The following SCAPER variants were observed in gnomAD, a reference collection of about 807,000 sequenced individuals.
SCAPER encodes the protein S-phase cyclin A associated protein in the ER.
Under a neutral mutation model 182.2 loss-of-function variants are expected in SCAPER, and 98 were observed. The observed-to-expected ratio is 0.54, with a 90% CI of 0.46 to 0.64. The LOEUF is 0.64. Among genes scored for constraint, SCAPER ranks in the 30% least tolerant of loss-of-function variants. The pLI is 0.00. For missense variants in SCAPER, 1,432 were observed against 1,690.0 expected, an observed-to-expected ratio of 0.85 and a Z score of 2.68; for synonymous variants, 605 against 564.6, an observed-to-expected ratio of 1.07 and a Z score of -1.01.
chr15:76,576,094 G>A (rs1422035834), intron 22 of SCAPER, among the ~76,000 whole-genome samples: 1 of 152,158 alleles, frequency 6.6e-6, no homozygotes, highest in East Asian at 1.9e-4. Context: ...AAGGATGGTG[G>A]TTCATGCTTG....
chr15:76,355,547 T>A (rs202033341), intron 29 of SCAPER, among the ~76,000 whole-genome samples: 1 of 598 alleles, frequency 1.7e-3, no homozygotes, highest in African/African-American at 1.7e-3. Flanking sequence ...AGAAGTCTTC[T>A]TTTTTTTTTT....
At chr15:76,883,778 A>G (rs1168703946) in intron 2 of SCAPER, 34 bp downstream of exon 2, 1 of 1,484,124 alleles carries the variant, frequency 6.7e-7, no homozygotes, top group African/African-American at 1.4e-5. Flanking sequence ...AGAAAGGCAA[A>G]AAAACTAAGG....
chr15:76,385,413 T>C (rs1017132249), intron 27 of SCAPER, among the ~76,000 whole-genome samples: 2 of 152,196 alleles, frequency 1.3e-5, no homozygotes, highest in African/African-American at 4.8e-5. Flanking sequence ...TTCTAGATTG[T>C]TCTCTTAGCT....
At chr15:76,698,576 TC>T (rs2058771061) in intron 20 of SCAPER, among the ~76,000 whole-genome samples, 1 of 152,174 alleles carries the variant, frequency 6.6e-6, no homozygotes, top group African/African-American at 2.4e-5. Context: ...GATACTTCCT[TC>T]AGGGTTTATG....
chr15:76,724,420 C>T (rs1209041181), intron 17 of SCAPER, among the ~76,000 whole-genome samples: 4 of 152,060 alleles, frequency 2.6e-5, no homozygotes, highest in African/African-American at 9.7e-5. Flanking sequence ...TTGCTCTTCT[C>T]AAGGAGTATC....
chr15:76,709,596 C>T (rs1348297170), intron 17 of SCAPER, among the ~76,000 whole-genome samples: 3 of 152,094 alleles, frequency 2.0e-5, no homozygotes, highest in Non-Finnish European at 4.4e-5. Context: ...CAAAGAAAAA[C>T]CCAAGCCTGA....
At chr15:76,814,792 A>T (rs544192659) in intron 5 of SCAPER, among the ~76,000 whole-genome samples, 15 of 152,286 alleles carry the variant, frequency 9.8e-5, no homozygotes, top group Admixed American at 9.2e-4. Flanking sequence ...ACTTTCCTAC[A>T]AATAAAAAGA....
At chr15:76,832,770 G>A (rs1319176256) in intron 5 of SCAPER, among the ~76,000 whole-genome samples, 1 of 152,088 alleles carries the variant, frequency 6.6e-6, no homozygotes, top group African/African-American at 2.4e-5. Context: ...TCTTGGTCCT[G>A]TTCCTGCCAT....
In SCAPER at chr15:76,594,304, C is replaced by T. The variant is rs1036169051; in HGVS notation, c.2712-20020G>A. Among the ~76,000 whole-genome samples the T allele has an allele frequency of 9.2e-5, 11 of 120,022 alleles. 5 individuals are homozygous for T. The highest frequency in any genetic ancestry group is 1.9e-4 in the Admixed American group (2 of 10,394). 78.7% of individuals were successfully genotyped at this position (120,022 alleles called of 152,430 possible). A position where few individuals can be genotyped will look rare whatever the true frequency, so the allele number is the denominator to read the frequency against. Reference sequence around the variant, plus strand: ...AAAGAATAGAAAGGAATGAACAAAGCCCCCAAGAAATACGGGAATATGTGA... The same window carrying T: ...AAAGAATAGAAAGGAATGAACAAAGTCCCCAAGAAATACGGGAATATGTGA... On this transcript the variant is annotated intron_variant, in intron 22 of 31. Coordinates refer to ENST00000563290, the MANE Select transcript of SCAPER (RefSeq NM_020843.4).
chr15:76,571,227 T>C (rs1044019076), intron 23 of SCAPER, among the ~76,000 whole-genome samples: 1 of 152,150 alleles, frequency 6.6e-6, no homozygotes, highest in Non-Finnish European at 1.5e-5. Flanking sequence ...ATTCCTTAAT[T>C]ACTTCTTAGC....
chr15:76,722,939 T>A (rs2060350427), intron 17 of SCAPER, among the ~76,000 whole-genome samples: 1 of 152,218 alleles, frequency 6.6e-6, no homozygotes, highest in Admixed American at 6.5e-5. Context: ...TCAGTTCTGC[T>A]CTGATCTTAG....
chr15:76,358,124 G>GTAAA (rs2041132181), intron 29 of SCAPER, among the ~76,000 whole-genome samples: 1 of 152,204 alleles, frequency 6.6e-6, no homozygotes, highest in Non-Finnish European at 1.5e-5. Context: ...AAATAAATCA[G>GTAAA]TAAATAAATA....
chr15:76,402,500 C>T (rs1407319187), intron 27 of SCAPER, among the ~76,000 whole-genome samples: 1 of 152,056 alleles, frequency 6.6e-6, no homozygotes, highest in African/African-American at 2.4e-5. Flanking sequence ...TGGATTCTGC[C>T]TATGGAAGCC....
intron 22 of SCAPER, among the ~76,000 whole-genome samples, chr15:76,581,642 A>G (rs564150410): frequency 7.2e-4 from 110 of 152,288 alleles, no homozygotes; most frequent in Non-Finnish European, 7.5e-4. Flanking sequence ...GCTGGAGTGC[A>G]GTGGTGTGAT....
intron 22 of SCAPER, 80 bp downstream of exon 22, chr15:76,621,684 G>T: frequency 8.9e-7 from 1 of 1,125,696 alleles, no homozygotes; most frequent in Non-Finnish European, 1.3e-6. Flanking sequence ...CCTTATTACA[G>T]ACATAACATG....
intron 21 of SCAPER, among the ~76,000 whole-genome samples, chr15:76,646,107 G>A (rs746749039): frequency 1.3e-5 from 2 of 152,016 alleles, no homozygotes; most frequent in Non-Finnish European, 2.9e-5. Context: ...AAATATCCAC[G>A]AAGGATTGGT....
chr15:76,904,833 G>C (rs1327140201), intron 1 of SCAPER: 2 of 152,464 alleles, frequency 1.3e-5, no homozygotes, highest in Admixed American at 6.5e-5. Context: ...ACCCCGCTGG[G>C]AATGACAGAT....
At chr15:76,370,308 T>TTTTG (rs2042074747) in intron 29 of SCAPER, among the ~76,000 whole-genome samples, 7 of 139,048 alleles carry the variant, frequency 5.0e-5, no homozygotes, top group African/African-American at 1.6e-4. Context: ...TTTTTTTTTT[T>TTTTG]TTTTTTTTGT....
At chr15:76,479,952 C>A (rs2050968849) in intron 24 of SCAPER, among the ~76,000 whole-genome samples, 1 of 152,196 alleles carries the variant, frequency 6.6e-6, no homozygotes, top group East Asian at 1.9e-4. Flanking sequence ...ACTAGGATCA[C>A]ATAAATATGG....
Sources: gnomAD v4.1 joint callset for allele counts (sites outside exome capture counted in the v4.1 genomes callset) on GRCh38, gnomAD v4.1.1 for gene constraint, MANE v1.5 for transcripts, NCBI Gene and HGNC (gene_info 2026-07-23, HGNC 2026-07-21) for gene names.